The following GRM1 variants were observed in gnomAD, a reference collection of about 807,000 sequenced individuals.
GRM1 encodes the protein glutamate metabotropic receptor 1.
A neutral mutation model predicts 90.9 loss-of-function variants in GRM1; 33 were observed. The ratio of observed to expected loss-of-function variants is 0.36; its 90% CI spans 0.28 to 0.49. The LOEUF (loss-of-function observed/expected upper bound fraction) is 0.49. Ranked by LOEUF, GRM1 falls within the 20% of genes least tolerant of loss-of-function variation. The pLI is 0.99. For synonymous variants in GRM1, 700 were observed against 613.2 expected, an observed-to-expected ratio of 1.14 and a Z score of -2.09; for missense variants, 1,190 against 1,534.3, an observed-to-expected ratio of 0.78 and a Z score of 3.75.
chr6:146,160,919 A>T (rs937713126), intron 2 of GRM1, among the ~76,000 whole-genome samples: 1 of 152,216 alleles, frequency 6.6e-6, no homozygotes, highest in Non-Finnish European at 1.5e-5. Flanking sequence ...CACAGAGTCA[A>T]CTTGGCGTCT....
At chr6:146,415,908 ATAT>A (rs962583136) in intron 7 of GRM1, among the ~76,000 whole-genome samples, 2 of 152,198 alleles carry the variant, frequency 1.3e-5, no homozygotes, top group African/African-American at 4.8e-5. Context: ...GAATTATCAA[ATAT>A]TAATCAAACC....
intron 1 of GRM1, among the ~76,000 whole-genome samples, chr6:146,119,994 T>C (rs1005805283): frequency 6.6e-6 from 1 of 152,218 alleles, no homozygotes; most frequent in Non-Finnish European, 1.5e-5. Flanking sequence ...ACTGGTAGCA[T>C]CATGGGGATA....
intron 2 of GRM1, among the ~76,000 whole-genome samples, chr6:146,190,486 G>A (rs1346618760): frequency 1.3e-5 from 2 of 152,072 alleles, no homozygotes; most frequent in Non-Finnish European, 2.9e-5. Context: ...GAAAGTACAC[G>A]AGGCGATATC....
At chr6:146,425,747 C>T (rs1221055546) in intron 7 of GRM1, among the ~76,000 whole-genome samples, 3 of 152,184 alleles carry the variant, frequency 2.0e-5, no homozygotes, top group African/African-American at 7.2e-5. Flanking sequence ...ACAGGCAGCC[C>T]GCTTATGTGG....
chr6:146,154,418 C>T (rs1777447336), intron 1 of GRM1, among the ~76,000 whole-genome samples: 1 of 152,138 alleles, frequency 6.6e-6, no homozygotes, highest in African/African-American at 2.4e-5. Context: ...GGTTTTCTCC[C>T]TTGTAATCAG....
intron 1 of GRM1, among the ~76,000 whole-genome samples, chr6:146,084,319 T>C (rs995750462): frequency 3.9e-5 from 6 of 152,082 alleles, no homozygotes; most frequent in African/African-American, 1.4e-4. Flanking sequence ...GCTCTTTTAA[T>C]TGTGATGTTA....
At chr6:146,206,441 T>C (rs1012966438) in intron 2 of GRM1, among the ~76,000 whole-genome samples, 12 of 152,048 alleles carry the variant, frequency 7.9e-5, no homozygotes, top group Admixed American at 5.9e-4. Flanking sequence ...GTTATGCCTA[T>C]TTATTATTAT....
At chr6:146,159,631 TCTCTCTCTCTCACACACACACATG>T (rs1328442821) in intron 2 of GRM1, 34 bp downstream of exon 2, 13 of 1,473,742 alleles carry the variant, frequency 8.8e-6, no homozygotes, top group Non-Finnish European at 1.2e-5. Context: ...TCTCTCTCTC[TCTCTCTCTCTCACACACACACATG>T]CACACACACA....
intron 5 of GRM1, among the ~76,000 whole-genome samples, chr6:146,371,623 C>T (rs1775905236): frequency 6.6e-6 from 1 of 152,084 alleles, no homozygotes; most frequent in Non-Finnish European, 1.5e-5. Flanking sequence ...GCCCCAACTA[C>T]TCTTCCCAGC....
intron 2 of GRM1, among the ~76,000 whole-genome samples, chr6:146,209,097 T>A (rs1409498122): frequency 6.6e-6 from 1 of 152,130 alleles, no homozygotes; most frequent in Non-Finnish European, 1.5e-5. Flanking sequence ...AGACAAGAAA[T>A]AGAGACCTAA....
chr6:146,297,056 G>T (rs7741820), intron 2 of GRM1, among the ~76,000 whole-genome samples: 14,463 of 152,074 alleles, frequency 0.095, 1,818 homozygotes, highest in African/African-American at 0.28. Flanking sequence ...GCTAGCACCT[G>T]GGAATTACTT....
At chr6:146,370,004 T>C (rs1250249217) in intron 5 of GRM1, among the ~76,000 whole-genome samples, 6 of 152,088 alleles carry the variant, frequency 3.9e-5, no homozygotes, top group Non-Finnish European at 8.8e-5. Flanking sequence ...TTGGGTGCTC[T>C]GATGTTGGAT....
At chr6:146,118,135 C>CTT (rs1562474214) in intron 1 of GRM1, among the ~76,000 whole-genome samples, 1 of 121,206 alleles carries the variant, frequency 8.3e-6, no homozygotes, top group Non-Finnish European at 1.8e-5. Context: ...TTTTTTTCTT[C>CTT]TTTTCTTTTT....
intron 2 of GRM1, among the ~76,000 whole-genome samples, chr6:146,228,546 G>C (rs1780331819): frequency 6.6e-6 from 1 of 152,020 alleles, no homozygotes; most frequent in African/African-American, 2.4e-5. Context: ...TTTTTTGAGG[G>C]GACATTCAAA....
intron 1 of GRM1, among the ~76,000 whole-genome samples, chr6:146,104,071 C>CTG (rs1777140051): frequency 6.6e-6 from 1 of 152,074 alleles, no homozygotes; most frequent in African/African-American, 2.4e-5. Flanking sequence ...AAGAGCTAGG[C>CTG]TGGGATGAGG....
intron 2 of GRM1, among the ~76,000 whole-genome samples, chr6:146,302,013 G>T (rs886227699): frequency 6.6e-6 from 1 of 152,062 alleles, no homozygotes; most frequent in Non-Finnish European, 1.5e-5. Flanking sequence ...ATGGTCTTCA[G>T]ACTAACAGTG....
At chr6:146,200,627 GGGAC>G (rs1454781532) in intron 2 of GRM1, among the ~76,000 whole-genome samples, 4 of 152,054 alleles carry the variant, frequency 2.6e-5, no homozygotes, top group African/African-American at 7.2e-5. Context: ...TATTACTTCT[GGGAC>G]CCCCTGTGAT....
At chr6:146,425,361 CTT>C (rs1319718966) in intron 7 of GRM1, among the ~76,000 whole-genome samples, 1 of 152,158 alleles carries the variant, frequency 6.6e-6, no homozygotes, top group African/African-American at 2.4e-5. Context: ...GCCTGAGAGA[CTT>C]GGAATGGGAA....
intron 7 of GRM1, chr6:146,426,632 T>G (rs1278750796): frequency 7.0e-7 from 1 of 1,433,436 alleles, no homozygotes; most frequent in Non-Finnish European, 9.8e-7. Context: ...ACCCCCACAC[T>G]GCAGTGAATG....
Sources: allele counts gnomAD v4.1 joint callset (sites outside exome capture counted in the v4.1 genomes callset), GRCh38; gene constraint gnomAD v4.1.1; transcripts MANE v1.5; gene names NCBI Gene and HGNC (gene_info 2026-07-23, HGNC 2026-07-21).